The following SUGCT variants were observed in gnomAD, a reference collection of about 807,000 sequenced individuals.
SUGCT encodes succinyl-CoA:glutarate-CoA transferase.
A neutral mutation model predicts 55.0 loss-of-function variants in SUGCT; 41 were observed. The ratio of observed to expected loss-of-function variants is 0.74; its 90% CI spans 0.58 to 0.97. The LOEUF is 0.97. SUGCT is among the 50% of genes least tolerant of loss of function. The pLI is 0.00. For synonymous variants in SUGCT, 187 were observed against 200.4 expected, an observed-to-expected ratio of 0.93 and a Z score of 0.56; for missense variants, 568 against 547.8, an observed-to-expected ratio of 1.04 and a Z score of -0.37.
intron 9 of SUGCT, among the ~76,000 whole-genome samples, chr7:40,445,463 C>T (rs916088787): frequency 3.9e-5 from 6 of 152,076 alleles, no homozygotes; most frequent in African/African-American, 1.4e-4. Flanking sequence ...AGTTGAATCC[C>T]TGAATAGACC....
At chr7:41,028,357 C>T in the SUGCT span, among the ~76,000 whole-genome samples, 23 of 152,350 alleles carry the variant, frequency 1.5e-4, no homozygotes, top group African/African-American at 5.5e-4. Context: ...TAAATAATCC[C>T]TGAGAGGACT....
chr7:40,507,436 C>A (rs1228246995), intron 12 of SUGCT, among the ~76,000 whole-genome samples: 1 of 152,114 alleles, frequency 6.6e-6, no homozygotes, highest in Non-Finnish European at 1.5e-5. Flanking sequence ...TTATCCTTTA[C>A]CGTTGGATGT....
chr7:40,391,981 G>T (rs1009958664), intron 9 of SUGCT, among the ~76,000 whole-genome samples: 1 of 152,182 alleles, frequency 6.6e-6, no homozygotes, highest in South Asian at 2.1e-4. Context: ...CATTTCCTTT[G>T]TAGGGACATG....
At chr7:40,874,635 A>G in the SUGCT span, among the ~76,000 whole-genome samples, 1 of 152,184 alleles carries the variant, frequency 6.6e-6, no homozygotes, top group Admixed American at 6.5e-5. Flanking sequence ...TGTGATATAC[A>G]ATATATTCTC....
intron 9 of SUGCT, among the ~76,000 whole-genome samples, chr7:40,433,073 G>T (rs1787987226): frequency 6.6e-6 from 1 of 151,924 alleles, no homozygotes; most frequent in African/African-American, 2.4e-5. Context: ...TCTTATGCTT[G>T]ATCAAGTCTG....
At chr7:40,756,181 C>T (rs1285744247) in intron 13 of SUGCT, among the ~76,000 whole-genome samples, 1 of 152,096 alleles carries the variant, frequency 6.6e-6, no homozygotes, top group Non-Finnish European at 1.5e-5. Context: ...GACAGTATAC[C>T]TTCATAAGCT....
chr7:40,731,660 CA>C (rs549631432), intron 12 of SUGCT, among the ~76,000 whole-genome samples: 4 of 152,050 alleles, frequency 2.6e-5, no homozygotes, highest in Non-Finnish European at 4.4e-5. Flanking sequence ...TTTGCCTAAA[CA>C]AATCGTTAAA....
intron 12 of SUGCT, among the ~76,000 whole-genome samples, chr7:40,685,901 T>G (rs149600292): frequency 1.4e-3 from 216 of 152,244 alleles, no homozygotes; most frequent in African/African-American, 5.1e-3. Context: ...AATTTGGAAG[T>G]TTTCTTATAT....
intron 13 of SUGCT, among the ~76,000 whole-genome samples, chr7:40,779,438 A>T (rs929054204): frequency 6.6e-6 from 1 of 152,186 alleles, no homozygotes; most frequent in African/African-American, 2.4e-5. Flanking sequence ...TGTATGAAAC[A>T]CTTTTGTCTC....
the SUGCT span, among the ~76,000 whole-genome samples, chr7:41,015,349 A>G: frequency 6.6e-6 from 1 of 152,216 alleles, no homozygotes; most frequent in Non-Finnish European, 1.5e-5. Flanking sequence ...TAATTGGGTG[A>G]AATAAATTAG....
chr7:40,217,421 A>G (rs1364768724), intron 6 of SUGCT: 5 of 447,466 alleles, frequency 1.1e-5, no homozygotes, highest in Middle Eastern at 3.3e-4. Flanking sequence ...CATGTTGCCC[A>G]GGATGGTCTT....
chr7:40,433,258 G>A (rs183558219), intron 9 of SUGCT, among the ~76,000 whole-genome samples: 54 of 151,574 alleles, frequency 3.6e-4, no homozygotes, highest in Admixed American at 7.2e-4. Context: ...TATTTGTCAG[G>A]TAATTGATAT....
the SUGCT span, among the ~76,000 whole-genome samples, chr7:40,873,769 A>G: frequency 1.7e-4 from 26 of 152,346 alleles, no homozygotes; most frequent in South Asian, 5.4e-3. Context: ...GAGGATTAGG[A>G]CAGGTACTCA....
At chr7:40,188,218 G>A (rs1785654788) in intron 3 of SUGCT, among the ~76,000 whole-genome samples, 2 of 152,106 alleles carry the variant, frequency 1.3e-5, no homozygotes, top group Admixed American at 1.3e-4. Context: ...TGGATCACCT[G>A]AGGTCAGGAG....
chr7:40,544,807 A>G lies in SUGCT; in HGVS notation c.1089+48421A>G, dbSNP rs1390258727. Among the ~76,000 whole-genome samples the G allele has an allele frequency of 7.9e-5, 12 of 152,230 alleles. No individual in the cohort carries two copies. In the East Asian group the frequency reaches 2.3e-3, roughly 29 times the overall value. On this transcript the variant is annotated intron_variant, in intron 12 of 13. Coordinates refer to ENST00000335693, the MANE Select transcript of SUGCT (RefSeq NM_001193313.2). ...TTTAGAAAATAGCTGCAGAGTGCTC[A>G]GACAAATAAGACATAGCAGAACACA...
chr7:40,600,118 C>T (rs1266847439), intron 12 of SUGCT, among the ~76,000 whole-genome samples: 4 of 152,180 alleles, frequency 2.6e-5, no homozygotes, highest in Non-Finnish European at 2.9e-5. Flanking sequence ...GCAGTCTGTT[C>T]TGCCAGTCAC....
At chr7:40,483,901 A>G (rs995420021) in intron 11 of SUGCT, among the ~76,000 whole-genome samples, 1 of 152,158 alleles carries the variant, frequency 6.6e-6, no homozygotes, top group African/African-American at 2.4e-5. Flanking sequence ...TTAAAGTGCA[A>G]TTGGGCAAAA....
At chr7:40,683,622 T>C (rs1281661873) in intron 12 of SUGCT, among the ~76,000 whole-genome samples, 1 of 152,196 alleles carries the variant, frequency 6.6e-6, no homozygotes, top group African/African-American at 2.4e-5. Context: ...AGATGGATAC[T>C]CCATTGCTTG....
chr7:40,476,427 TATG>T (rs1790681477), intron 11 of SUGCT, among the ~76,000 whole-genome samples: 2 of 152,060 alleles, frequency 1.3e-5, no homozygotes, highest in Non-Finnish European at 2.9e-5. Context: ...GGAAAAAAAA[TATG>T]ATGATGAGGG....
Sources: gnomAD v4.1 joint callset for allele counts (sites outside exome capture counted in the v4.1 genomes callset) on GRCh38, gnomAD v4.1.1 for gene constraint, MANE v1.5 for transcripts, NCBI Gene and HGNC (gene_info 2026-07-23, HGNC 2026-07-21) for gene names.